Variants in GPRIN3 observed in about 807,000 individuals in gnomAD.
GPRIN3 encodes G protein-regulated inducer of neurite outgrowth 3.
Under a neutral mutation model 13.7 loss-of-function variants are expected in GPRIN3, and 12 were observed. The observed-to-expected ratio is 0.87, with a 90% confidence interval of 0.56 to 1.42. The LOEUF is 1.42. GPRIN3 is among the 40% of genes most tolerant of loss of function. The pLI, the probability that GPRIN3 is intolerant of heterozygous loss-of-function variation, is 0.00. For missense variants in GPRIN3, 1,009 were observed against 958.7 expected, an observed-to-expected ratio of 1.05 and a Z score of -0.69; for synonymous variants, 377 against 372.7, an observed-to-expected ratio of 1.01 and a Z score of -0.13.
At chr4:89,287,921 GA>G (rs1724465810) in intron 1 of GPRIN3, among the ~76,000 whole-genome samples, 1 of 152,172 alleles carries the variant, frequency 6.6e-6, no homozygotes, top group Admixed American at 6.5e-5. Flanking sequence ...AAATATGGAA[GA>G]AAATTTGCAC....
chr4:89,260,635 G>C (rs1252294540), intron 1 of GPRIN3, among the ~76,000 whole-genome samples: 1 of 152,172 alleles, frequency 6.6e-6, no homozygotes, highest in Non-Finnish European at 1.5e-5. Flanking sequence ...GTAATAAACT[G>C]CTTTGTAGAT....
At chr4:89,255,950 T>C (rs1007782211) in intron 1 of GPRIN3, among the ~76,000 whole-genome samples, 3 of 152,342 alleles carry the variant, frequency 2.0e-5, no homozygotes, top group African/African-American at 7.2e-5. Context: ...GCAGACTCTT[T>C]TGGCACCTAT....
intron 1 of GPRIN3, among the ~76,000 whole-genome samples, chr4:89,276,436 T>C (rs1561211503): frequency 2.6e-5 from 4 of 152,242 alleles, no homozygotes; most frequent in Non-Finnish European, 4.4e-5. Flanking sequence ...ATCACCTAGA[T>C]TTTGAATTTT....
chr4:89,249,971 A>T lies in GPRIN3; in HGVS notation c.140T>A (p.Phe47Tyr). ...PALLCKNANGFSGAPAEPDLS... is the reference protein window; with the variant it reads ...PALLCKNANGYSGAPAEPDLS... ...GTCTGGTTCTGCAGGGGCACCTGAA[A>T]AGCCATTGGCATTCTTACACAGGAG... is the stretch of plus-strand genomic sequence containing the variant. The change falls in exon 2 of 2, where the codon TTT becomes TAT. Residue 47 changes from phenylalanine (F) to tyrosine (Y), a missense_variant. By Grantham distance (22) the Phe-to-Tyr change is conservative (BLOSUM62 3). Coordinates refer to ENST00000609438, the MANE Select transcript of GPRIN3 (RefSeq NM_198281.3). 1 of 1,614,172 alleles carries T rather than the reference A, an allele frequency of 6.2e-7. No individual in the cohort carries two copies. The highest frequency in any genetic ancestry group is 1.1e-5 in the South Asian group (1 of 91,082).
rs1723164310 is a variant in GPRIN3 at position 89,248,122 on chromosome 4, C to T, written c.1989G>A (p.Lys663=). The T allele has an allele frequency of 6.2e-7, 1 of 1,614,038 alleles. No homozygotes were observed. The highest frequency in any genetic ancestry group is 1.1e-5 in the South Asian group (1 of 91,086). ...TGGAGTCTGCGCCAAGCTGCTTTTTCTTATCTCCTGGAGTGAGTCCTACCT... is the reference window on the plus strand; with the variant it reads ...TGGAGTCTGCGCCAAGCTGCTTTTTTTTATCTCCTGGAGTGAGTCCTACCT... ...AAQVGLTPGD[K]KKQLGADSKL... The change falls in exon 2 of 2, where the codon AAG becomes AAA. Residue 663 remains lysine, a synonymous_variant. Coordinates refer to ENST00000609438, the MANE Select transcript of GPRIN3 (RefSeq NM_198281.3).
intron 1 of GPRIN3, among the ~76,000 whole-genome samples, chr4:89,280,307 T>C (rs1336354265): frequency 6.6e-6 from 1 of 152,218 alleles, no homozygotes; most frequent in Non-Finnish European, 1.5e-5. Context: ...TTCTCTAAAT[T>C]GCTGCCGGAG....
intron 1 of GPRIN3, among the ~76,000 whole-genome samples, chr4:89,281,128 G>GT (rs869122962): frequency 1.5e-3 from 213 of 143,292 alleles, no homozygotes; most frequent in Middle Eastern, 7.4e-3. Context: ...ATAGTTTCAT[G>GT]TTTTTTTTTT....
At chr4:89,294,211 C>T (rs1016479392) in intron 1 of GPRIN3, among the ~76,000 whole-genome samples, 1 of 152,190 alleles carries the variant, frequency 6.6e-6, no homozygotes, top group African/African-American at 2.4e-5. Context: ...TAATGTGACA[C>T]TTGGAAAGTT....
rs543151622 is a variant in GPRIN3, at chr4:89,267,093, A to T, written c.-123-16860T>A. Among the ~76,000 whole-genome samples, 62 of 152,130 alleles carry T rather than the reference A, an allele frequency of 4.1e-4. 1 individual carries two copies. The East Asian group carries it at 0.011, about 28-fold the overall frequency. ...AAAACTATTCTTTTGTATTTGAAAAACTCTGGAAACAGTCTTATTTCAACT... is the reference window on the plus strand; with the variant it reads ...AAAACTATTCTTTTGTATTTGAAAATCTCTGGAAACAGTCTTATTTCAACT... On this transcript the variant is annotated intron_variant, in intron 1 of 1. Coordinates refer to ENST00000609438, the MANE Select transcript of GPRIN3 (RefSeq NM_198281.3).
chr4:89,293,665 C>T (rs1724652223), intron 1 of GPRIN3, among the ~76,000 whole-genome samples: 1 of 152,308 alleles, frequency 6.6e-6, no homozygotes, highest in East Asian at 1.9e-4. Flanking sequence ...TTCATTTTCT[C>T]CTGCAGGTTC....
chr4:89,248,346 G>A lies in GPRIN3; in HGVS notation c.1765C>T (p.Gln589Ter). ...NPTPSPIRKN[Q>*]ESTLEENRQT... The stretch of plus-strand genomic sequence containing the variant: ...CTGTTTTCTTCTAAGGTGCTCTCCT[G>A]GTTCTTCCTAATTGGGGAGGGTGTA... Residue 589 changes from glutamine to a stop codon, truncating the protein, a stop_gained, in exon 2 of 2, where the codon CAG becomes TAG. Coordinates refer to ENST00000609438, the MANE Select transcript of GPRIN3 (RefSeq NM_198281.3). LOFTEE classifies it high-confidence loss of function. The A allele has an allele frequency of 1.2e-6, 2 of 1,614,094 alleles. No homozygotes were observed. The highest frequency in any genetic ancestry group is 8.5e-7 in the Non-Finnish European group (1 of 1,180,002).
At position 89,295,788 on chromosome 4, in the gene GPRIN3, C is replaced by T. The variant is rs774407563; in HGVS notation, c.-124+11827G>A. Among the ~76,000 whole-genome samples, 8 of 152,104 alleles carry T rather than the reference C, an allele frequency of 5.3e-5. No homozygotes were observed. In the East Asian group the frequency reaches 5.8e-4, roughly 11 times the overall value. ...CATGTTCCACTTTCAGGGACTGTGA[C>T]ATTTGTGTACCCATTTCATGATTTT... On this transcript the variant is annotated intron_variant, in intron 1 of 1. Transcript: ENST00000609438.
chr4:89,257,362 A>G lies in GPRIN3; in HGVS notation c.-123-7129T>C, dbSNP rs556896969. ...ATAAAAACCAAGAGGTTAAAAAAAAAGGGGTTTAAGAAGCACGATGACCCT... is the reference window on the plus strand; with the variant it reads ...ATAAAAACCAAGAGGTTAAAAAAAAGGGGGTTTAAGAAGCACGATGACCCT... On this transcript the variant is annotated intron_variant, in intron 1 of 1. Coordinates refer to ENST00000609438, the MANE Select transcript of GPRIN3 (RefSeq NM_198281.3). Among the ~76,000 whole-genome samples the G allele has an allele frequency of 3.3e-5, 5 of 152,280 alleles. No homozygotes were observed. The East Asian group carries it at 5.8e-4, about 18-fold the overall frequency.
Position 89,249,755 on chromosome 4 carries a change from C to T in GPRIN3, c.356G>A (p.Arg119Lys), listed in dbSNP as rs772907522. The change falls in exon 2 of 2, where the codon AGG (arginine) becomes AAG (lysine). Residue 119 changes from arginine (R) to lysine (K), a missense_variant. Arg to Lys is a conservative substitution (Grantham distance 26). Coordinates refer to ENST00000609438, the MANE Select transcript of GPRIN3 (RefSeq NM_198281.3). ...AASAPSSAAG[R>K]DLIHTPLTMP... Reference sequence around the variant, plus strand: ...TGTCAATGGTGTGTGTATAAGATCCCTTCCTGCTGCAGAACTCGGGGCTGA... The same window carrying T: ...TGTCAATGGTGTGTGTATAAGATCCTTTCCTGCTGCAGAACTCGGGGCTGA... The T allele has an allele frequency of 6.2e-7, 1 of 1,614,180 alleles. No homozygotes were observed. The highest frequency in any genetic ancestry group is 8.5e-7 in the Non-Finnish European group (1 of 1,180,028).
chr4:89,266,848 A>G (rs1229190990), intron 1 of GPRIN3, among the ~76,000 whole-genome samples: 1 of 152,220 alleles, frequency 6.6e-6, no homozygotes, highest in Non-Finnish European at 1.5e-5. Flanking sequence ...TACAAATTCA[A>G]GTGTTTTAAG....
At chr4:89,299,839 T>C (rs1724846264) in intron 1 of GPRIN3, among the ~76,000 whole-genome samples, 2 of 152,186 alleles carry the variant, frequency 1.3e-5, no homozygotes, top group Admixed American at 6.5e-5. Flanking sequence ...GTTTGGTCTA[T>C]GTGTAAAAAG....
chr4:89,270,602 A>AT (rs1561205844), intron 1 of GPRIN3, among the ~76,000 whole-genome samples: 110 of 55,562 alleles, frequency 2.0e-3, no homozygotes, highest in African/African-American at 9.9e-3. Context: ...TATATATATA[A>AT]AATATAGATA....
At chr4:89,300,032 G>A (rs981074731) in intron 1 of GPRIN3, among the ~76,000 whole-genome samples, 2 of 151,804 alleles carry the variant, frequency 1.3e-5, no homozygotes, top group Non-Finnish European at 2.9e-5. Flanking sequence ...GAAAAACTCC[G>A]TTATTCTTTA....
chr4:89,251,612 G>GA (rs1723328995), intron 1 of GPRIN3, among the ~76,000 whole-genome samples: 1 of 152,196 alleles, frequency 6.6e-6, no homozygotes, highest in Non-Finnish European at 1.5e-5. Flanking sequence ...TATGCAACCA[G>GA]TAAAGTAAAT....
Sources: gnomAD v4.1 joint callset for allele counts (sites outside exome capture counted in the v4.1 genomes callset) on GRCh38, gnomAD v4.1.1 for gene constraint, MANE v1.5 for transcripts, NCBI Gene and HGNC (gene_info 2026-07-23, HGNC 2026-07-21) for gene names.